The following ZBTB44 variants were observed in gnomAD, a reference collection of about 807,000 sequenced individuals.
The protein encoded by ZBTB44 is zinc finger and BTB domain-containing protein 44.
ZBTB44 carries 15 observed loss-of-function variants against 54.0 expected under a neutral mutation model. The observed-to-expected ratio is 0.28, with a 90% CI of 0.19 to 0.43. ZBTB44 has a LOEUF of 0.43. ZBTB44 is among the 20% of genes least tolerant of loss of function. The pLI is 1.00. For missense variants in ZBTB44, 487 were observed against 707.1 expected (o/e 0.69, Z 3.53); for synonymous variants, 230 against 250.1 (o/e 0.92, Z 0.76).
intron 1 of ZBTB44, among the ~76,000 whole-genome samples, chr11:130,283,035 CTTTT>C (rs531030883): frequency 1.3e-4 from 13 of 102,412 alleles, no homozygotes; most frequent in Admixed American, 3.7e-4. Context: ...CCATTCTAAC[CTTTT>C]TTTTTTTTTT....
intron 1 of ZBTB44, chr11:130,285,272 T>A (rs2134308768): frequency 6.5e-6 from 1 of 154,044 alleles, no homozygotes; most frequent in African/African-American, 2.4e-5. Flanking sequence ...CCATCGTAGG[T>A]GGAGTTATTC....
At chr11:130,297,065 C>T (rs1941696631) in intron 1 of ZBTB44, 3 of 646,776 alleles carry the variant, frequency 4.6e-6, no homozygotes, top group African/African-American at 1.8e-5. Flanking sequence ...GAAGACATGC[C>T]TTTCTTTCAT....
Position 130,268,576 on chromosome 11 carries a change from AATTTT to A in ZBTB44, c.-56-6652_-56-6648del, listed in dbSNP as rs556324867. On this transcript the variant is annotated intron_variant, in intron 1 of 7. Transcript: ENST00000357899. ...GGCAACACAGCAAGACCCTGTCTCA[AATTTT>A]ATTTTATTTTATTTTGAGACAGAGT... Among the ~76,000 whole-genome samples the A allele has an allele frequency of 2.9e-3, 437 of 151,982 alleles. 1 individual carries two copies. Among genetic ancestry groups the A allele is most frequent in the Non-Finnish European group, 4.4e-3 (300 of 67,938 alleles).
Position 130,229,588 on chromosome 11 carries a change from TTTAA to T in ZBTB44, c.*2172_*2175del, listed in dbSNP as rs1953800346. On this transcript the variant is annotated 3_prime_UTR_variant, in exon 8 of 8. Transcript: ENST00000357899. ...ATAGGCAAAATAAGGAACAACTTAA[TTTAA>T]ATGTTCATAGTTTGAGTTTAAAGCC... 1 of 152,172 alleles carries T rather than the reference TTTAA, an allele frequency of 6.6e-6. No individual in the cohort carries two copies. Among genetic ancestry groups the T allele is most frequent in the Non-Finnish European group, 1.5e-5 (1 of 68,002 alleles). The allele number at this position is 152,172 out of a possible 1,614,324, so 9.4% of individuals were successfully genotyped here.
At chr11:130,301,134 C>T (rs1941965923) in intron 1 of ZBTB44, among the ~76,000 whole-genome samples, 1 of 152,062 alleles carries the variant, frequency 6.6e-6, no homozygotes, top group South Asian at 2.1e-4. Flanking sequence ...AAATGGGATT[C>T]AGAGGATGAG....
intron 1 of ZBTB44, chr11:130,297,012 C>A (rs1460567195): frequency 1.4e-6 from 1 of 729,800 alleles, no homozygotes; most frequent in Non-Finnish European, 2.5e-6. Flanking sequence ...AATCTTTAAA[C>A]ACATTAGCAA....
chr11:130,253,352 T>A (rs1300040452), intron 2 of ZBTB44, among the ~76,000 whole-genome samples: 2 of 152,230 alleles, frequency 1.3e-5, no homozygotes, highest in African/African-American at 4.8e-5. Context: ...CTTAAGCTGA[T>A]AAGCAACTTC....
intron 1 of ZBTB44, among the ~76,000 whole-genome samples, chr11:130,312,190 A>T (rs1344863504): frequency 6.6e-6 from 1 of 152,234 alleles, no homozygotes; most frequent in Non-Finnish European, 1.5e-5. Flanking sequence ...AACTGATTTA[A>T]GCAAAAGTCA....
intron 1 of ZBTB44, among the ~76,000 whole-genome samples, chr11:130,282,202 T>C (rs1411152491): frequency 6.6e-6 from 1 of 152,218 alleles, no homozygotes; most frequent in African/African-American, 2.4e-5. Context: ...GTTCACATTA[T>C]ATACATTCAC....
intron 1 of ZBTB44, among the ~76,000 whole-genome samples, chr11:130,290,903 ATCTC>A (rs1031500119): frequency 2.0e-5 from 3 of 152,050 alleles, no homozygotes; most frequent in Admixed American, 6.6e-5. Context: ...CTATTTTATA[ATCTC>A]TCTATTATGC....
intron 1 of ZBTB44, among the ~76,000 whole-genome samples, chr11:130,311,268 G>A (rs946477276): frequency 1.3e-5 from 2 of 152,036 alleles, no homozygotes; most frequent in Non-Finnish European, 2.9e-5. Context: ...GTGCAGTGGG[G>A]TATGAACATG....
rs982079128 is a variant in ZBTB44 at position 130,229,549 on chromosome 11, A to G, written c.*2215T>C. The G allele has an allele frequency of 6.6e-6, 1 of 152,220 alleles. No homozygotes were observed. Among genetic ancestry groups the G allele is most frequent in the African/African-American group, 2.4e-5 (1 of 41,466 alleles). The allele number at this position is 152,220 out of a possible 1,614,324, so 9.4% of individuals were successfully genotyped here. On this transcript the variant is annotated 3_prime_UTR_variant, in exon 8 of 8. Coordinates refer to ENST00000357899, the MANE Select transcript of ZBTB44 (RefSeq NM_001301098.2). ...ACTGTCAAGCAAAAACGACAATGAAAGATAAAAATGGGTATAGGCAAAATA... is the reference window on the plus strand; with the variant it reads ...ACTGTCAAGCAAAAACGACAATGAAGGATAAAAATGGGTATAGGCAAAATA...
chr11:130,248,754 G>GT (rs980084054), intron 2 of ZBTB44, among the ~76,000 whole-genome samples: 21 of 152,192 alleles, frequency 1.4e-4, no homozygotes, highest in African/African-American at 4.6e-4. Flanking sequence ...TAATATATAG[G>GT]TAACAGATTC....
rs1953757747 is a variant in ZBTB44 at position 130,228,303 on chromosome 11, TAC to T, written c.*3459_*3460del. 6 of 152,298 alleles carry T rather than the reference TAC, an allele frequency of 3.9e-5. No individual in the cohort carries two copies. In the South Asian group the frequency reaches 1.2e-3, roughly 32 times the overall value. The allele number at this position is 152,298 out of a possible 1,614,324, so 9.4% of individuals were successfully genotyped here. On this transcript the variant is annotated 3_prime_UTR_variant, in exon 8 of 8. Coordinates refer to ENST00000357899, the MANE Select transcript of ZBTB44 (RefSeq NM_001301098.2). ...CACTTTGTACAAGGAAGAAAATGAA[TAC>T]AGTTTATGATCTTACTCCTTCCAAA...
chr11:130,305,014 A>G (rs919091935), intron 1 of ZBTB44, among the ~76,000 whole-genome samples: 4 of 152,208 alleles, frequency 2.6e-5, no homozygotes, highest in Admixed American at 6.5e-5. Context: ...AACAGCTGCC[A>G]AAGAAAAATT....
intron 1 of ZBTB44, among the ~76,000 whole-genome samples, chr11:130,281,206 C>A (rs537251815): frequency 6.6e-5 from 10 of 152,220 alleles, no homozygotes; most frequent in Non-Finnish European, 1.2e-4. Flanking sequence ...AATTAATCAT[C>A]CAAAGTGTCT....
intron 2 of ZBTB44, among the ~76,000 whole-genome samples, chr11:130,250,228 G>C (rs1369263120): frequency 6.6e-6 from 1 of 152,130 alleles, no homozygotes; most frequent in Admixed American, 6.5e-5. Flanking sequence ...CTCTTCATTG[G>C]GCAGGGCATC....
At chr11:130,307,956 C>T (rs1942369675) in intron 1 of ZBTB44, among the ~76,000 whole-genome samples, 1 of 152,184 alleles carries the variant, frequency 6.6e-6, no homozygotes, top group African/African-American at 2.4e-5. Context: ...GAGCTCCTGA[C>T]CTTAGGTGAG....
At chr11:130,241,120 A>T (rs1954345618) in intron 2 of ZBTB44, among the ~76,000 whole-genome samples, 1 of 152,096 alleles carries the variant, frequency 6.6e-6, no homozygotes, top group Admixed American at 6.5e-5. Flanking sequence ...TTTACTCTTG[A>T]TGGACAGTTT....
Sources: allele counts gnomAD v4.1 joint callset (sites outside exome capture counted in the v4.1 genomes callset), GRCh38; gene constraint gnomAD v4.1.1; transcripts MANE v1.5; gene names NCBI Gene and HGNC (gene_info 2026-07-23, HGNC 2026-07-21).